The following DAB1 variants were observed in gnomAD, a reference collection of about 807,000 sequenced individuals.
The protein encoded by DAB1 is DAB adaptor protein 1.
DAB1 carries 15 observed loss-of-function variants against 64.6 expected under a neutral mutation model. That is an observed-to-expected ratio of 0.23 (90% CI 0.16 to 0.36). DAB1 has a LOEUF of 0.36. Among genes scored for constraint, DAB1 ranks in the 10% least tolerant of loss-of-function variants. The probability of loss-of-function intolerance (pLI) is 1.00; values close to 1 mark genes in which losing one functional copy is unlikely to be tolerated. For missense variants in DAB1, 596 were observed against 706.7 expected (o/e 0.84, Z 1.78); for synonymous variants, 235 against 251.9 (o/e 0.93, Z 0.64).
intron 7 of DAB1, among the ~76,000 whole-genome samples, chr1:57,563,047 G>C (rs1006246255): frequency 6.6e-6 from 1 of 152,072 alleles, no homozygotes; most frequent in Non-Finnish European, 1.5e-5. Flanking sequence ...GCCCAATCTG[G>C]GCAGGACTAC....
chr1:58,040,588 C>T (rs1045899094), intron 5 of DAB1, among the ~76,000 whole-genome samples: 7 of 152,278 alleles, frequency 4.6e-5, no homozygotes, highest in African/African-American at 1.4e-4. Flanking sequence ...CCTTATAAAA[C>T]TGTGTAATTG....
chr1:57,320,921 T>C (rs1675664418), intron 1 of DAB1, among the ~76,000 whole-genome samples: 1 of 152,168 alleles, frequency 6.6e-6, no homozygotes, highest in African/African-American at 2.4e-5. Context: ...ATCCAAGCAG[T>C]CTGACTACAC....
At chr1:57,968,763 G>C (rs562912222) in intron 5 of DAB1, among the ~76,000 whole-genome samples, 1 of 152,096 alleles carries the variant, frequency 6.6e-6, no homozygotes, top group East Asian at 1.9e-4. Flanking sequence ...ATACTGTGAG[G>C]TATGTGTTTT....
chr1:57,721,256 C>T (rs1647147152), intron 6 of DAB1, among the ~76,000 whole-genome samples: 1 of 152,128 alleles, frequency 6.6e-6, no homozygotes, highest in Admixed American at 6.5e-5. Flanking sequence ...AGATCACACC[C>T]TACCAGTGAT....
At chr1:57,611,748 C>A (rs772461585) in intron 7 of DAB1, among the ~76,000 whole-genome samples, 10 of 152,188 alleles carry the variant, frequency 6.6e-5, no homozygotes, top group Non-Finnish European at 1.2e-4. Flanking sequence ...CTGGCAGCAG[C>A]CCCTAGCAGG....
At chr1:57,039,220 T>C (rs1471551806) in intron 9 of DAB1, among the ~76,000 whole-genome samples, 1 of 152,152 alleles carries the variant, frequency 6.6e-6, no homozygotes, top group Non-Finnish European at 1.5e-5. Context: ...AAAAGAGGGA[T>C]AACAATGCTT....
chr1:58,028,347 A>G (rs1301887401), intron 5 of DAB1, among the ~76,000 whole-genome samples: 1 of 152,210 alleles, frequency 6.6e-6, no homozygotes. Flanking sequence ...ATTCATTAAC[A>G]TTGAACTCAT....
At chr1:58,437,627 GC>G (rs2100257826) in intron 3 of DAB1, among the ~76,000 whole-genome samples, 1 of 152,312 alleles carries the variant, frequency 6.6e-6, no homozygotes, top group Non-Finnish European at 1.5e-5. Flanking sequence ...TCTAATGCAA[GC>G]AAGAACTTAG....
intron 5 of DAB1, among the ~76,000 whole-genome samples, chr1:57,954,365 A>G (rs1645342237): frequency 6.6e-6 from 1 of 152,192 alleles, no homozygotes; most frequent in Middle Eastern, 3.2e-3. Flanking sequence ...GATATAAGCC[A>G]GGACAAGTTC....
chr1:57,017,275 A>G (rs1646464642), intron 11 of DAB1, among the ~76,000 whole-genome samples: 3 of 152,112 alleles, frequency 2.0e-5, no homozygotes, highest in Admixed American at 2.0e-4. Flanking sequence ...GCCTCTCAAA[A>G]CTAGCCTTTC....
rs1270565643 is a variant in DAB1, at chr1:57,015,200, G to A, written c.1127C>T (p.Pro376Leu). 6.2e-7 allele frequency: 1 copy of A among 1,614,104 alleles called. No individual in the cohort carries two copies. Among genetic ancestry groups the A allele is most frequent in the Admixed American group, 1.7e-5 (1 of 60,026 alleles). ...FMPTQTVMPL[P>L]AAMFQGPLTP... The stretch of plus-strand genomic sequence containing the variant: ...GAGGGGACCTTGGAACATGGCAGCT[G>A]GCAAAGGCATAACAGTTTGTGTGGG... Residue 376 changes from proline (P) to leucine (L), a missense_variant, in exon 12 of 15, where the codon CCA becomes CTA. By Grantham distance (98) the Pro-to-Leu change is moderately conservative. Around this residue, in one of 3 missense-constraint regions of DAB1, gnomAD observed 377 missense variants for 400.4 expected, o/e 0.94. Coordinates refer to ENST00000371236, the MANE Select transcript of DAB1 (RefSeq NM_001365792.1).
chr1:58,118,291 G>A (rs1254922188), intron 5 of DAB1, among the ~76,000 whole-genome samples: 1 of 150,320 alleles, frequency 6.7e-6, no homozygotes, highest in Non-Finnish European at 1.5e-5. Context: ...CAACACAGGA[G>A]TAGAGATGAC....
chr1:57,154,317 T>C (rs1049868810), intron 2 of DAB1, among the ~76,000 whole-genome samples: 3 of 152,212 alleles, frequency 2.0e-5, no homozygotes, highest in Admixed American at 1.3e-4. Context: ...CTGGCTTATT[T>C]CACTTAACCT....
chr1:57,067,223 C>G (rs993129234), intron 8 of DAB1, among the ~76,000 whole-genome samples: 1 of 152,116 alleles, frequency 6.6e-6, no homozygotes, highest in African/African-American at 2.4e-5. Flanking sequence ...ATGGGAAGAT[C>G]TAGAGGTCAG....
chr1:57,419,493 T>TA (rs201933527), intron 1 of DAB1, among the ~76,000 whole-genome samples: 5,269 of 131,642 alleles, frequency 0.04, 193 homozygotes, highest in African/African-American at 0.1. Context: ...TATTTCCAAT[T>TA]AAAAAAAAAA....
chr1:58,001,560 GA>G (rs1211944124), intron 5 of DAB1, among the ~76,000 whole-genome samples: 2 of 152,116 alleles, frequency 1.3e-5, no homozygotes, highest in Non-Finnish European at 1.5e-5. Flanking sequence ...ACACCCAGCT[GA>G]AAAGGCCCTT....
intron 5 of DAB1, among the ~76,000 whole-genome samples, chr1:58,071,183 A>G (rs1208744186): frequency 3.3e-5 from 5 of 152,200 alleles, no homozygotes; most frequent in Admixed American, 3.3e-4. Flanking sequence ...ATTTGCTTTT[A>G]AAGAATGAAG....
At chr1:57,538,778 A>C (rs759462533) in intron 7 of DAB1, among the ~76,000 whole-genome samples, 3 of 152,146 alleles carry the variant, frequency 2.0e-5, no homozygotes, top group Non-Finnish European at 4.4e-5. Flanking sequence ...CTATAATATG[A>C]GGAGGGCAGA....
chr1:58,002,532 G>A (rs761927368), intron 5 of DAB1, among the ~76,000 whole-genome samples: 4 of 152,040 alleles, frequency 2.6e-5, no homozygotes, highest in Non-Finnish European at 5.9e-5. Flanking sequence ...ACAGGTTCTG[G>A]CTTATGGCTC....
Sources: gnomAD v4.1 joint callset for allele counts (sites outside exome capture counted in the v4.1 genomes callset) on GRCh38, gnomAD v4.1.1 for gene constraint, gnomAD v4.1.1 regional missense constraint, MANE v1.5 for transcripts, NCBI Gene and HGNC (gene_info 2026-07-23, HGNC 2026-07-21) for gene names.